TAFA5: variants seen among roughly 807,000 people sequenced by gnomAD.
The protein encoded by TAFA5 is chemokine-like protein TAFA-5.
TAFA5 carries 6 observed loss-of-function variants against 15.3 expected under a neutral mutation model. The ratio of observed to expected loss-of-function variants is 0.39; its 90% CI spans 0.21 to 0.77. The LOEUF (loss-of-function observed/expected upper bound fraction) is 0.77, where lower values mean the gene tolerates loss of function less well. Ranked by LOEUF, TAFA5 falls within the 30% of genes least tolerant of loss-of-function variation. TAFA5 has a pLI of 0.41. For synonymous variants in TAFA5, 103 were observed against 80.7 expected (o/e 1.28, Z -1.48); for missense variants, 161 against 193.1 (o/e 0.83, Z 0.98).
chr22:48,733,764 G>A (rs1929933054), intron 3 of TAFA5, among the ~76,000 whole-genome samples: 2 of 152,150 alleles, frequency 1.3e-5, no homozygotes, highest in South Asian at 2.1e-4. Context: ...CCATCCGTTC[G>A]TGTGTTCATT....
intron 1 of TAFA5, among the ~76,000 whole-genome samples, chr22:48,629,555 T>A (rs1400689627): frequency 6.6e-6 from 1 of 152,158 alleles, no homozygotes; most frequent in African/African-American, 2.4e-5. Context: ...CCTCTTAAGA[T>A]TGGGGTGGGC....
intron 2 of TAFA5, among the ~76,000 whole-genome samples, chr22:48,649,222 C>T (rs773390134): frequency 3.3e-5 from 5 of 152,216 alleles, no homozygotes; most frequent in Admixed American, 6.5e-5. Flanking sequence ...GTGCACTGCT[C>T]AGGTGGGATA....
intron 3 of TAFA5, among the ~76,000 whole-genome samples, chr22:48,726,694 G>T (rs1890718236): frequency 6.6e-6 from 1 of 152,092 alleles, no homozygotes; most frequent in South Asian, 2.1e-4. Context: ...TCCAGTCGTG[G>T]TAGTCTATAC....
intron 1 of TAFA5, among the ~76,000 whole-genome samples, chr22:48,555,922 G>A (rs1010755384): frequency 2.6e-5 from 4 of 152,162 alleles, no homozygotes; most frequent in African/African-American, 9.7e-5. Flanking sequence ...GAGGGGTGGA[G>A]GCCCTGCCAC....
intron 1 of TAFA5, among the ~76,000 whole-genome samples, chr22:48,636,346 T>C (rs1926445268): frequency 6.6e-6 from 1 of 152,256 alleles, no homozygotes; most frequent in Non-Finnish European, 1.5e-5. Context: ...GAAGTCAGAC[T>C]GTGATGGAGG....
At chr22:48,631,580 A>G (rs1190819729) in intron 1 of TAFA5, among the ~76,000 whole-genome samples, 1 of 152,182 alleles carries the variant, frequency 6.6e-6, no homozygotes, top group Non-Finnish European at 1.5e-5. Context: ...CTGCTGCCTC[A>G]TTACCCAGAT....
intron 1 of TAFA5, chr22:48,546,438 C>T: frequency 2.1e-6 from 1 of 469,398 alleles, no homozygotes; most frequent in Admixed American, 2.4e-5. Context: ...GGACACTGCC[C>T]TATCCTCTTG....
intron 1 of TAFA5, chr22:48,544,312 T>G (rs1009280640): frequency 1.9e-5 from 5 of 257,464 alleles, no homozygotes; most frequent in African/African-American, 1.1e-4. Context: ...ATCCTCCCCC[T>G]GCGTTGTCTG....
chr22:48,607,280 T>C (rs1432971036), intron 1 of TAFA5, among the ~76,000 whole-genome samples: 6 of 131,172 alleles, frequency 4.6e-5, no homozygotes, highest in Non-Finnish European at 1.0e-4. Context: ...TACCTCAGCC[T>C]GGAGCAGATC....
intron 1 of TAFA5, among the ~76,000 whole-genome samples, chr22:48,504,054 G>A (rs546332039): frequency 6.6e-6 from 1 of 152,232 alleles, no homozygotes; most frequent in Admixed American, 6.5e-5. Flanking sequence ...ACACCCAGTT[G>A]CTCACTCTTC....
chr22:48,621,548 T>C (rs1242922935), intron 1 of TAFA5, among the ~76,000 whole-genome samples: 1 of 152,044 alleles, frequency 6.6e-6, no homozygotes, highest in African/African-American at 2.4e-5. Context: ...TCAGAGGGCA[T>C]CGGCGGTTGT....
intron 3 of TAFA5, among the ~76,000 whole-genome samples, chr22:48,736,257 C>G (rs1930019281): frequency 1.7e-5 from 1 of 60,286 alleles, no homozygotes; most frequent in African/African-American, 8.5e-5. Flanking sequence ...TAGGGTCCCT[C>G]CCCGCAGGAG....
chr22:48,588,754 A>G (rs1031886584), intron 1 of TAFA5, among the ~76,000 whole-genome samples: 1 of 152,128 alleles, frequency 6.6e-6, no homozygotes, highest in Non-Finnish European at 1.5e-5. Flanking sequence ...TCAGGTGAGC[A>G]CAGTGCCTTC....
chr22:48,585,915 C>T (rs892580097), intron 1 of TAFA5, among the ~76,000 whole-genome samples: 4 of 152,260 alleles, frequency 2.6e-5, no homozygotes, highest in East Asian at 1.9e-4. Flanking sequence ...CATAAACACA[C>T]GTTACACCCA....
chr22:48,526,538 C>T (rs527964391), intron 1 of TAFA5, among the ~76,000 whole-genome samples: 3 of 152,222 alleles, frequency 2.0e-5, no homozygotes, highest in Admixed American at 1.3e-4. Context: ...GTTAACTCTG[C>T]GTGCCGGCCT....
At chr22:48,612,793 G>A (rs932285603) in intron 1 of TAFA5, among the ~76,000 whole-genome samples, 24 of 152,120 alleles carry the variant, frequency 1.6e-4, no homozygotes, top group African/African-American at 4.8e-4. Flanking sequence ...CCCAGGGCCC[G>A]CTGATGTGTC....
chr22:48,662,157 G>A (rs1042365965), intron 2 of TAFA5, among the ~76,000 whole-genome samples: 1 of 152,162 alleles, frequency 6.6e-6, no homozygotes, highest in South Asian at 2.1e-4. Flanking sequence ...GGCTCGGCCT[G>A]GGTGGTGAGG....
At chr22:48,503,872 G>A (rs1920968658) in intron 1 of TAFA5, among the ~76,000 whole-genome samples, 1 of 152,200 alleles carries the variant, frequency 6.6e-6, no homozygotes, top group East Asian at 1.9e-4. Flanking sequence ...ACTCTGGGAA[G>A]GAGCCCATCC....
chr22:48,636,171 C>T (rs1045351159), intron 1 of TAFA5, among the ~76,000 whole-genome samples: 2 of 152,216 alleles, frequency 1.3e-5, no homozygotes, highest in Non-Finnish European at 2.9e-5. Context: ...GTCAGCTGGC[C>T]AGGTCGCTTC....
Sources: allele counts gnomAD v4.1 joint callset (sites outside exome capture counted in the v4.1 genomes callset), GRCh38; gene constraint gnomAD v4.1.1; transcripts MANE v1.5; gene names NCBI Gene and HGNC (gene_info 2026-07-23, HGNC 2026-07-21).